ATP8A2: variants seen among roughly 807,000 people sequenced by gnomAD.
The protein encoded by ATP8A2 is phospholipid-transporting ATPase IB.
In ATP8A2, 100 loss-of-function variants were observed where a neutral mutation model predicts 165.6. The ratio of observed to expected loss-of-function variants is 0.60; its 90% CI spans 0.51 to 0.71. The LOEUF is 0.71. Ranked by LOEUF, ATP8A2 falls within the 30% of genes least tolerant of loss-of-function variation. The pLI is 0.00. For synonymous variants in ATP8A2, 543 were observed against 548.8 expected (o/e 0.99, Z 0.15); for missense variants, 1,227 against 1,479.5 (o/e 0.83, Z 2.80).
chr13:25,420,906 A>G (rs2034280083), intron 1 of ATP8A2, among the ~76,000 whole-genome samples: 1 of 152,230 alleles, frequency 6.6e-6, no homozygotes, highest in African/African-American at 2.4e-5. Flanking sequence ...GTGTGGCTAT[A>G]AACAGCTCTG....
intron 35 of ATP8A2, among the ~76,000 whole-genome samples, chr13:25,998,796 C>T (rs1017666306): frequency 2.6e-5 from 4 of 152,142 alleles, no homozygotes; most frequent in Admixed American, 2.6e-4. Context: ...TGTCTTCAGC[C>T]AGAATGTCCC....
At chr13:25,534,039 T>G (rs1359395891) in intron 6 of ATP8A2, 2 of 440,152 alleles carry the variant, frequency 4.5e-6, no homozygotes, top group African/African-American at 4.2e-5. Flanking sequence ...AAGGGTAACT[T>G]GAAGTGGTTC....
At chr13:25,593,511 G>C (rs1418667327) in intron 24 of ATP8A2, among the ~76,000 whole-genome samples, 2 of 152,140 alleles carry the variant, frequency 1.3e-5, no homozygotes, top group African/African-American at 4.8e-5. Flanking sequence ...GTGCACCCCA[G>C]GGGGACACTA....
chr13:25,857,323 G>A (rs1420126114), intron 30 of ATP8A2, among the ~76,000 whole-genome samples: 2 of 152,088 alleles, frequency 1.3e-5, no homozygotes, highest in Admixed American at 1.3e-4. Flanking sequence ...TTGTTCCAGA[G>A]CTCCCTATCT....
At position 25,577,106 on chromosome 13, in the gene ATP8A2, T is replaced by G. The variant is rs753848820; in HGVS notation, c.1750T>G (p.Ser584Ala). The G allele has an allele frequency of 8.1e-6, 13 of 1,614,084 alleles. No individual in the cohort carries two copies. The South Asian group carries it at 1.4e-4, about 18-fold the overall frequency. The change falls in exon 20 of 37, where the codon TCA becomes GCA. Residue 584 changes from serine (S) to alanine (A), a missense_variant. Physicochemically the swap from Ser to Ala is moderately conservative, Grantham distance 99 (BLOSUM62 1). This residue lies in a region of ATP8A2 where 592 missense variants were observed against 785.6 expected (regional missense o/e 0.75). Coordinates refer to ENST00000381655, the MANE Select transcript of ATP8A2 (RefSeq NM_016529.6). Reference sequence around the variant, plus strand: ...AATGTCTGTAATTGTTCGAACTCCTTCAGGACGACTTCGGCTTTACTGTAA... The same window carrying G: ...AATGTCTGTAATTGTTCGAACTCCTGCAGGACGACTTCGGCTTTACTGTAA... ...KRMSVIVRTP[S>A]GRLRLYCKGA... is the part of the protein sequence containing the mutation.
At chr13:25,557,308 A>G (rs964427458) in intron 13 of ATP8A2, among the ~76,000 whole-genome samples, 10 of 152,206 alleles carry the variant, frequency 6.6e-5, no homozygotes, top group African/African-American at 2.4e-4. Context: ...AGGGCTGAAT[A>G]CAGCACCCAG....
intron 35 of ATP8A2, among the ~76,000 whole-genome samples, chr13:25,999,390 A>G (rs1956589254): frequency 6.6e-6 from 1 of 152,064 alleles, no homozygotes; most frequent in Non-Finnish European, 1.5e-5. Context: ...TGAACACCTC[A>G]GAGGCGCTCA....
At chr13:25,660,395 G>T (rs1246935793) in intron 24 of ATP8A2, among the ~76,000 whole-genome samples, 1 of 152,200 alleles carries the variant, frequency 6.6e-6, no homozygotes, top group Non-Finnish European at 1.5e-5. Flanking sequence ...CCTTAAGGCA[G>T]GGTGGTACCC....
In ATP8A2 at chr13:25,859,202, A is replaced by AAAAAC. The variant is rs538198944; in HGVS notation, c.2957-968_2957-964dup. ...GGGCGACAGACCGAGACTCTGTCTC[A>AAAAAC]AAAACAAAACAAAACAAAACAAAAC... On this transcript the variant is annotated intron_variant, in intron 30 of 36. Transcript: ENST00000381655. 9.8e-3 allele frequency among the ~76,000 whole-genome samples: 1,482 copies of AAAAAC among 151,928 alleles called. 19 individuals are homozygous for AAAAAC. Among genetic ancestry groups the AAAAAC allele is most frequent in the African/African-American group, 0.029 (1,194 of 41,332 alleles).
At chr13:25,820,770 C>G (rs1262312084) in intron 27 of ATP8A2, among the ~76,000 whole-genome samples, 3 of 152,094 alleles carry the variant, frequency 2.0e-5, no homozygotes, top group Non-Finnish European at 2.9e-5. Context: ...AAGCTAAGTA[C>G]GTTTGTATAA....
intron 27 of ATP8A2, among the ~76,000 whole-genome samples, chr13:25,801,456 G>A (rs770924883): frequency 1.8e-4 from 28 of 152,170 alleles, no homozygotes; most frequent in Non-Finnish European, 4.0e-4. Context: ...ATGTGAGCCA[G>A]TGCTGCTCTT....
At chr13:26,018,474 A>G (rs1486246421) in intron 36 of ATP8A2, among the ~76,000 whole-genome samples, 1 of 152,240 alleles carries the variant, frequency 6.6e-6, no homozygotes, top group Non-Finnish European at 1.5e-5. Flanking sequence ...TTTAAAGAGT[A>G]TGACAGTGAA....
chr13:25,906,575 G>A (rs373080460), intron 33 of ATP8A2, among the ~76,000 whole-genome samples: 5 of 151,550 alleles, frequency 3.3e-5, no homozygotes, highest in African/African-American at 4.9e-5. Context: ...ACGCTCCCCC[G>A]CCTTCTCTCT....
Position 25,543,322 on chromosome 13 carries a change from T to C in ATP8A2, c.811T>C (p.Leu271=). The change falls in exon 10 of 37, where the codon TTA becomes CTA. Residue 271 remains leucine, a synonymous_variant. Coordinates refer to ENST00000381655, the MANE Select transcript of ATP8A2 (RefSeq NM_016529.6). ...LVALGPDQIL[L]RGTQLRNTQW... Reference sequence around the variant, plus strand: ...TGCCCTTGGGCCTGACCAGATCTTATTAAGAGGTACACAGCTTAGAAATAC... The same window carrying C: ...TGCCCTTGGGCCTGACCAGATCTTACTAAGAGGTACACAGCTTAGAAATAC... 6.2e-7 allele frequency: 1 copy of C among 1,612,340 alleles called. No homozygotes were observed. The highest frequency in any genetic ancestry group is 1.1e-5 in the South Asian group (1 of 90,884).
At chr13:25,668,171 G>A (rs1309888404) in intron 24 of ATP8A2, among the ~76,000 whole-genome samples, 6 of 152,054 alleles carry the variant, frequency 3.9e-5, no homozygotes, top group African/African-American at 1.2e-4. Flanking sequence ...CCTATGAAAT[G>A]TCCTTTCCTC....
intron 30 of ATP8A2, among the ~76,000 whole-genome samples, chr13:25,857,563 T>TTCTTG (rs1952205441): frequency 7.0e-6 from 1 of 142,352 alleles, no homozygotes; most frequent in African/African-American, 2.6e-5. Flanking sequence ...TTCTTTTCTT[T>TTCTTG]TTTTTCCTTT....
At chr13:25,832,385 T>C (rs894020142) in intron 28 of ATP8A2, among the ~76,000 whole-genome samples, 2 of 152,214 alleles carry the variant, frequency 1.3e-5, no homozygotes, top group Non-Finnish European at 2.9e-5. Context: ...ATGAATCCTG[T>C]TGTCAAGCCA....
At chr13:25,580,719 A>G (rs1460288475) in intron 22 of ATP8A2, among the ~76,000 whole-genome samples, 1 of 152,028 alleles carries the variant, frequency 6.6e-6, no homozygotes, top group African/African-American at 2.4e-5. Flanking sequence ...TTTTTTGTAG[A>G]GATTGGGTCT....
intron 1 of ATP8A2, among the ~76,000 whole-genome samples, chr13:25,383,623 C>G (rs1027959043): frequency 6.6e-6 from 1 of 152,048 alleles, no homozygotes; most frequent in Non-Finnish European, 1.5e-5. Context: ...ATACTTCTGG[C>G]GTTTCAAGGT....
Sources: allele counts gnomAD v4.1 joint callset (sites outside exome capture counted in the v4.1 genomes callset), GRCh38; gene constraint gnomAD v4.1.1; regional missense constraint gnomAD v4.1.1; transcripts MANE v1.5; gene names NCBI Gene and HGNC (gene_info 2026-07-23, HGNC 2026-07-21).